MIR2052HG: variants seen among roughly 807,000 people sequenced by gnomAD.
The protein encoded by MIR2052HG is MIR2052 host gene.
intron 4 of MIR2052HG, among the ~76,000 whole-genome samples, chr8:74,705,320 C>T (rs1586918943): frequency 6.6e-6 from 1 of 151,894 alleles, no homozygotes; most frequent in African/African-American, 2.4e-5. Flanking sequence ...AAGTATTTAA[C>T]GTTCTTCCAT....
At chr8:74,714,063 G>T (rs769898341) in intron 4 of MIR2052HG, among the ~76,000 whole-genome samples, 4 of 152,020 alleles carry the variant, frequency 2.6e-5, no homozygotes, top group African/African-American at 9.7e-5. Context: ...AACAACTAGG[G>T]TTTCTATCAT....
In MIR2052HG at chr8:74,606,578, A is replaced by C. The variant is rs1370948602; in HGVS notation, n.129-6275A>C. Among the ~76,000 whole-genome samples, 4 of 152,340 alleles carry C rather than the reference A, an allele frequency of 2.6e-5. No individual in the cohort carries two copies. In the East Asian group the frequency reaches 7.7e-4, roughly 29 times the overall value. The stretch of plus-strand genomic sequence containing the variant: ...ATAATTTCACTTAAAGGTAGATTGC[A>C]GTAAGTTAAAAATTTATACAATAGT... On this transcript the variant is annotated intron_variant and non_coding_transcript_variant, in intron 1 of 6. Transcript: ENST00000523442.
intron 4 of MIR2052HG, among the ~76,000 whole-genome samples, chr8:74,744,766 A>T (rs1230782187): frequency 2.0e-5 from 3 of 152,146 alleles, no homozygotes; most frequent in Admixed American, 6.6e-5. Flanking sequence ...TGCTATTGTG[A>T]ATAATGCCGC....
chr8:74,684,422 A>G (rs946639724), intron 2 of MIR2052HG, among the ~76,000 whole-genome samples: 1 of 152,134 alleles, frequency 6.6e-6, no homozygotes, highest in Non-Finnish European at 1.5e-5. Flanking sequence ...CAAGTCATAT[A>G]GCAAATGTCA....
chr8:74,740,070 G>A (rs903227320), intron 4 of MIR2052HG, among the ~76,000 whole-genome samples: 3 of 152,130 alleles, frequency 2.0e-5, no homozygotes, highest in African/African-American at 7.2e-5. Context: ...GAAATTACAA[G>A]GAAATTTAAT....
intron 2 of MIR2052HG, among the ~76,000 whole-genome samples, chr8:74,666,377 A>G (rs550260673): frequency 6.6e-6 from 1 of 152,228 alleles, no homozygotes; most frequent in Non-Finnish European, 1.5e-5. Context: ...AGTAACCACC[A>G]TCACTTGGTA....
intron 2 of MIR2052HG, among the ~76,000 whole-genome samples, chr8:74,699,435 T>TATATATAC (rs1393923041): frequency 7.2e-6 from 1 of 139,194 alleles, no homozygotes; most frequent in African/African-American, 2.7e-5. Context: ...TATATATATA[T>TATATATAC]ACACCATGGA....
At chr8:74,645,179 T>A (rs938245768) in intron 2 of MIR2052HG, among the ~76,000 whole-genome samples, 1 of 152,122 alleles carries the variant, frequency 6.6e-6, no homozygotes, top group Non-Finnish European at 1.5e-5. Flanking sequence ...CAAAGTATAG[T>A]CATAAACTTA....
chr8:74,728,149 A>G (rs1052259487), intron 4 of MIR2052HG, among the ~76,000 whole-genome samples: 1 of 152,198 alleles, frequency 6.6e-6, no homozygotes, highest in Admixed American at 6.5e-5. Flanking sequence ...GGGCAATGTA[A>G]TTACTGTTTA....
At chr8:74,606,146 A>G (rs905199558) in intron 1 of MIR2052HG, among the ~76,000 whole-genome samples, 7 of 152,232 alleles carry the variant, frequency 4.6e-5, no homozygotes, top group Admixed American at 4.6e-4. Flanking sequence ...TAAGACTATT[A>G]CAAGGTGATA....
chr8:74,639,551 C>T (rs1045842207), intron 2 of MIR2052HG, among the ~76,000 whole-genome samples: 1 of 152,134 alleles, frequency 6.6e-6, no homozygotes, highest in South Asian at 2.1e-4. Context: ...AGACACCCAA[C>T]CTAATAATGT....
chr8:74,723,111 T>C (rs1563539971), intron 4 of MIR2052HG, among the ~76,000 whole-genome samples: 2 of 152,228 alleles, frequency 1.3e-5, no homozygotes, highest in Non-Finnish European at 2.9e-5. Flanking sequence ...TTTGGGCTCA[T>C]GAAGAAAATG....
intron 2 of MIR2052HG, among the ~76,000 whole-genome samples, chr8:74,636,668 T>G (rs2128734867): frequency 6.6e-6 from 1 of 152,298 alleles, no homozygotes; most frequent in Non-Finnish European, 1.5e-5. Flanking sequence ...ATATTGTCCA[T>G]GCTACCTATC....
intron 2 of MIR2052HG, among the ~76,000 whole-genome samples, chr8:74,659,183 A>G (rs1808836285): frequency 6.6e-6 from 1 of 152,176 alleles, no homozygotes; most frequent in South Asian, 2.1e-4. Context: ...TGTTTCTAAG[A>G]AAGGCTAAAT....
intron 2 of MIR2052HG, among the ~76,000 whole-genome samples, chr8:74,660,468 G>A (rs1296696123): frequency 6.6e-6 from 1 of 152,154 alleles, no homozygotes; most frequent in Non-Finnish European, 1.5e-5. Flanking sequence ...GTGGAAATTC[G>A]GGTGGTTCAG....
chr8:74,637,349 C>T (rs1808594182), intron 2 of MIR2052HG, among the ~76,000 whole-genome samples: 1 of 152,054 alleles, frequency 6.6e-6, no homozygotes, highest in Non-Finnish European at 1.5e-5. Context: ...CCAGGATACA[C>T]ATGCAAACAC....
intron 2 of MIR2052HG, among the ~76,000 whole-genome samples, chr8:74,692,288 C>T (rs776946833): frequency 2.0e-5 from 3 of 152,160 alleles, no homozygotes; most frequent in Non-Finnish European, 4.4e-5. Context: ...ATGAGGGTTT[C>T]ACTATGTTGC....
chr8:74,719,829 C>CTTTT (rs1182515871), intron 4 of MIR2052HG, among the ~76,000 whole-genome samples: 2 of 124,194 alleles, frequency 1.6e-5, no homozygotes, highest in East Asian at 2.5e-4. Flanking sequence ...AGTGCTCCTT[C>CTTTT]TTTTTTTTTT....
chr8:74,751,871 A>G (rs1386687838), intron 4 of MIR2052HG, among the ~76,000 whole-genome samples: 1 of 152,220 alleles, frequency 6.6e-6, no homozygotes, highest in Non-Finnish European at 1.5e-5. Flanking sequence ...GGATATCAAG[A>G]AGATGGTTGG....
Sources: allele counts gnomAD v4.1 joint callset (sites outside exome capture counted in the v4.1 genomes callset), GRCh38; gene constraint gnomAD v4.1.1; transcripts MANE v1.5; gene names NCBI Gene and HGNC (gene_info 2026-07-23, HGNC 2026-07-21).